CACNG2: variants seen among roughly 807,000 people sequenced by gnomAD.
CACNG2 encodes the protein calcium voltage-gated channel auxiliary subunit gamma 2.
A neutral mutation model predicts 25.9 loss-of-function variants in CACNG2; 3 were observed. The ratio of observed to expected loss-of-function variants is 0.12; its 90% CI spans 0.05 to 0.30. The LOEUF is 0.30. CACNG2 is among the 10% of genes least tolerant of loss of function. The probability of loss-of-function intolerance (pLI) is 1.00; values close to 1 mark genes in which losing one functional copy is unlikely to be tolerated. For missense variants in CACNG2, 341 were observed against 432.5 expected, an observed-to-expected ratio of 0.79 and a Z score of 1.88; for synonymous variants, 167 against 173.3, an observed-to-expected ratio of 0.96 and a Z score of 0.29.
At chr22:36,648,692 G>T (rs1016329867) in intron 1 of CACNG2, among the ~76,000 whole-genome samples, 1 of 152,042 alleles carries the variant, frequency 6.6e-6, no homozygotes, top group African/African-American at 2.4e-5. Context: ...TTGAAGTTTT[G>T]ATTTTCCCTT....
In CACNG2 at chr22:36,662,987, T is replaced by A. The variant is rs570562123; in HGVS notation, c.211+39379A>T. Among the ~76,000 whole-genome samples, 4 of 152,022 alleles carry A rather than the reference T, an allele frequency of 2.6e-5. No individual in the cohort carries two copies. In the East Asian group the frequency reaches 7.7e-4, roughly 29 times the overall value. The stretch of plus-strand genomic sequence containing the variant: ...CACCACACAGGGAATCAAATAATAG[T>A]TGTTGAATGAAACTTGAACACTCAC... On this transcript the variant is annotated intron_variant, in intron 1 of 3. Transcript: ENST00000300105.
chr22:36,688,389 A>C (rs1366270154), intron 1 of CACNG2, among the ~76,000 whole-genome samples: 2 of 151,896 alleles, frequency 1.3e-5, no homozygotes, highest in African/African-American at 4.8e-5. Flanking sequence ...TTAAAAAAAA[A>C]ATTAGCTCAG....
chr22:36,629,932 G>A (rs978923704), intron 1 of CACNG2, among the ~76,000 whole-genome samples: 7 of 152,172 alleles, frequency 4.6e-5, no homozygotes, highest in Non-Finnish European at 4.4e-5. Context: ...AGGGCATGGG[G>A]GCGTAAAGGT....
chr22:36,619,106 G>A (rs1465041680), intron 1 of CACNG2, among the ~76,000 whole-genome samples: 1 of 152,144 alleles, frequency 6.6e-6, no homozygotes, highest in Admixed American at 6.5e-5. Context: ...ACTCAGATGA[G>A]GAAACCGAGA....
At chr22:36,594,278 C>A (rs1012790903) in intron 1 of CACNG2, among the ~76,000 whole-genome samples, 1 of 152,170 alleles carries the variant, frequency 6.6e-6, no homozygotes, top group African/African-American at 2.4e-5. Flanking sequence ...ATTCTAGGGG[C>A]AAAGACAGAT....
intron 1 of CACNG2, among the ~76,000 whole-genome samples, chr22:36,593,147 C>T (rs550838490): frequency 7.9e-5 from 12 of 152,312 alleles, no homozygotes; most frequent in Non-Finnish European, 1.5e-4. Flanking sequence ...GCCACCCCTT[C>T]CCCCAGCCAG....
chr22:36,591,898 C>G (rs986081709), intron 1 of CACNG2, among the ~76,000 whole-genome samples: 9 of 151,778 alleles, frequency 5.9e-5, no homozygotes, highest in Middle Eastern at 3.4e-3. Context: ...TTCTATTTTC[C>G]CAACGAAATG....
At chr22:36,610,040 G>A (rs1237930696) in intron 1 of CACNG2, among the ~76,000 whole-genome samples, 2 of 150,390 alleles carry the variant, frequency 1.3e-5, no homozygotes, top group African/African-American at 2.5e-5. Context: ...CCCGGAGCAC[G>A]GTCAGGCAGG....
intron 1 of CACNG2, among the ~76,000 whole-genome samples, chr22:36,697,672 A>G (rs1937357466): frequency 6.6e-6 from 1 of 152,190 alleles, no homozygotes; most frequent in Admixed American, 6.5e-5. Flanking sequence ...CTAGGAATGC[A>G]AGGCCTGGCT....
chr22:36,687,625 G>A (rs1434273982), intron 1 of CACNG2, among the ~76,000 whole-genome samples: 1 of 152,220 alleles, frequency 6.6e-6, no homozygotes, highest in Admixed American at 6.5e-5. Context: ...TAACCCGTGA[G>A]TGCGCCACAT....
chr22:36,607,163 C>T (rs1935850319), intron 1 of CACNG2, among the ~76,000 whole-genome samples: 1 of 152,100 alleles, frequency 6.6e-6, no homozygotes, highest in Admixed American at 6.5e-5. Context: ...CCAGATTCCT[C>T]CATCGGGTGA....
intron 1 of CACNG2, among the ~76,000 whole-genome samples, chr22:36,694,410 C>T (rs1847481737): frequency 6.6e-6 from 1 of 152,174 alleles, no homozygotes; most frequent in Admixed American, 6.5e-5. Flanking sequence ...GCTAGGCCAT[C>T]GCAGCTCACC....
In CACNG2 at chr22:36,606,022, C is replaced by T. The variant is rs924112770; in HGVS notation, c.212-18474G>A. Among the ~76,000 whole-genome samples, 7 of 152,174 alleles carry T rather than the reference C, an allele frequency of 4.6e-5. No homozygotes were observed. The highest frequency in any genetic ancestry group is 2.1e-4 in the South Asian group (1 of 4,830). ...GGTGGCTGTGCCTCTCGCAGGAGAGCGTGGGTCTGAGTTCTCTTTCTGCCG... is the reference window on the plus strand; with the variant it reads ...GGTGGCTGTGCCTCTCGCAGGAGAGTGTGGGTCTGAGTTCTCTTTCTGCCG... On this transcript the variant is annotated intron_variant, in intron 1 of 3. Coordinates refer to ENST00000300105, the MANE Select transcript of CACNG2 (RefSeq NM_006078.5). The surrounding 1 kb of genome is among the most constrained non-coding windows in gnomAD (Gnocchi z 5.7).
chr22:36,600,275 G>T (rs1027124770), intron 1 of CACNG2, among the ~76,000 whole-genome samples: 1 of 151,994 alleles, frequency 6.6e-6, no homozygotes, highest in Non-Finnish European at 1.5e-5. Flanking sequence ...TTAGAGACAG[G>T]TTCTTGCTTT....
chr22:36,617,647 A>C (rs4821512), intron 1 of CACNG2, among the ~76,000 whole-genome samples: 101,585 of 144,102 alleles, frequency 0.7, 36,251 homozygotes, highest in East Asian at 0.82. Context: ...GCAGTCAATA[A>C]AACATCAGTC....
At chr22:36,599,622 C>T (rs1336085886) in intron 1 of CACNG2, among the ~76,000 whole-genome samples, 3 of 152,100 alleles carry the variant, frequency 2.0e-5, no homozygotes, top group Admixed American at 6.5e-5. Flanking sequence ...ACTGCTAGAG[C>T]CTGGGAGGTT....
rs556720507 is a variant in CACNG2, at chr22:36,622,225, C to G, written c.212-34677G>C. On this transcript the variant is annotated intron_variant, in intron 1 of 3. Coordinates refer to ENST00000300105, the MANE Select transcript of CACNG2 (RefSeq NM_006078.5). ...TGAGCCCCCAACTATGTGCTAGGCA[C>G]AAGCTAGTGTGGCACAATACTTGAA... Among the ~76,000 whole-genome samples the G allele has an allele frequency of 2.0e-5, 3 of 152,356 alleles. No individual in the cohort carries two copies. In the South Asian group the frequency reaches 6.2e-4, roughly 32 times the overall value.
intron 1 of CACNG2, among the ~76,000 whole-genome samples, chr22:36,643,175 T>C (rs971645046): frequency 2.4e-4 from 36 of 150,434 alleles, no homozygotes; most frequent in African/African-American, 8.3e-4. Flanking sequence ...CCTTCTTTCC[T>C]TCTTTCCTTC....
chr22:36,696,418 T>C (rs963210249), intron 1 of CACNG2, among the ~76,000 whole-genome samples: 4 of 152,216 alleles, frequency 2.6e-5, no homozygotes, highest in African/African-American at 7.2e-5. Context: ...TTAAAAAAAT[T>C]AATGCTTTGG....
Sources: allele counts gnomAD v4.1 joint callset (sites outside exome capture counted in the v4.1 genomes callset), GRCh38; gene constraint gnomAD v4.1.1; non-coding constraint Gnocchi (gnomAD v3.1); transcripts MANE v1.5; gene names NCBI Gene and HGNC (gene_info 2026-07-23, HGNC 2026-07-21).